Variants in TTC28 observed in about 807,000 individuals in gnomAD.
TTC28 encodes the protein tetratricopeptide repeat domain 28, also known as tetratricopeptide repeat protein 28.
Under a neutral mutation model 198.0 loss-of-function variants are expected in TTC28, and 61 were observed. The observed-to-expected ratio is 0.31, with a 90% CI of 0.25 to 0.38. The LOEUF (loss-of-function observed/expected upper bound fraction) is 0.38. Ranked by LOEUF, TTC28 falls within the 10% of genes least tolerant of loss-of-function variation. The probability of loss-of-function intolerance (pLI) is 1.00; values close to 1 mark genes in which losing one functional copy is unlikely to be tolerated. For synonymous variants in TTC28, 1,171 were observed against 1,297.8 expected (o/e 0.90, Z 2.10); for missense variants, 2,678 against 3,164.0 (o/e 0.85, Z 3.69).
At chr22:28,678,277 C>CA (rs2052035366) in intron 1 of TTC28, among the ~76,000 whole-genome samples, 1 of 152,226 alleles carries the variant, frequency 6.6e-6, no homozygotes, top group Admixed American at 6.5e-5. Context: ...TGCAGTGGCA[C>CA]AACCTTGGCT....
intron 12 of TTC28, among the ~76,000 whole-genome samples, chr22:28,048,086 T>G (rs536859286): frequency 6.6e-6 from 1 of 151,952 alleles, no homozygotes; most frequent in Non-Finnish European, 1.5e-5. Flanking sequence ...CTAGGAGGTT[T>G]TTTTCTGCTT....
rs1053139903 is a variant in TTC28 at position 28,604,297 on chromosome 22, T to TACATATATATATATATATATATATATATA, written c.381+25254_381+25255insTATATATATATATATATATATATATATGT. The stretch of plus-strand genomic sequence containing the variant: ...AGTCTTAAACAGAAAAAAAAAAAAA[T>TACATATATATATATATATATATATATATA]TATATATATATATATATATATATAT... On this transcript the variant is annotated intron_variant, in intron 2 of 22. Transcript: ENST00000397906. 3.9e-4 allele frequency among the ~76,000 whole-genome samples: 44 copies of TACATATATATATATATATATATATATATA among 114,120 alleles called. 1 individual carries two copies. Among genetic ancestry groups the TACATATATATATATATATATATATATATA allele is most frequent in the African/African-American group, 1.5e-3 (43 of 28,534 alleles). The allele number at this position is 114,120 out of a possible 152,430, so 74.9% of individuals were successfully genotyped here.
chr22:28,101,617 C>G (rs1174087479), intron 8 of TTC28, among the ~76,000 whole-genome samples: 1 of 151,868 alleles, frequency 6.6e-6, no homozygotes, highest in Non-Finnish European at 1.5e-5. Flanking sequence ...GATCCACCCA[C>G]CCCGGTCTCC....
intron 12 of TTC28, among the ~76,000 whole-genome samples, chr22:28,044,520 G>A (rs1939786394): frequency 6.6e-6 from 1 of 151,944 alleles, no homozygotes; most frequent in South Asian, 2.1e-4. Flanking sequence ...TGTTACATAT[G>A]TATACATGTG....
At chr22:28,480,114 G>A (rs764782681) in intron 2 of TTC28, among the ~76,000 whole-genome samples, 5 of 152,194 alleles carry the variant, frequency 3.3e-5, no homozygotes, top group Non-Finnish European at 7.3e-5. Context: ...GTCTCCAGAT[G>A]TGAACTGTCA....
chr22:28,077,349 G>A (rs1941202728), intron 12 of TTC28, among the ~76,000 whole-genome samples: 1 of 152,154 alleles, frequency 6.6e-6, no homozygotes, highest in Non-Finnish European at 1.5e-5. Flanking sequence ...GGAATGCAGT[G>A]GTGTGATCAT....
chr22:28,613,256 T>A (rs916872188), intron 2 of TTC28, among the ~76,000 whole-genome samples: 1 of 152,118 alleles, frequency 6.6e-6, no homozygotes, highest in Non-Finnish European at 1.5e-5. Flanking sequence ...CAAGAAGAAG[T>A]TGAATCCCTG....
chr22:28,242,938 T>C (rs1303508721), intron 5 of TTC28, among the ~76,000 whole-genome samples: 4 of 151,682 alleles, frequency 2.6e-5, no homozygotes, highest in Non-Finnish European at 5.9e-5. Context: ...AAACTATTAC[T>C]GGTCTGTGAC....
intron 5 of TTC28, among the ~76,000 whole-genome samples, chr22:28,280,369 C>T (rs1473816507): frequency 1.3e-5 from 2 of 151,868 alleles, no homozygotes; most frequent in Admixed American, 6.6e-5. Context: ...TCTTGTTGCC[C>T]AGGCTGGAGT....
At chr22:28,263,750 A>G (rs972509311) in intron 5 of TTC28, among the ~76,000 whole-genome samples, 1 of 152,140 alleles carries the variant, frequency 6.6e-6, no homozygotes, top group Admixed American at 6.6e-5. Context: ...ACCAGAGAGG[A>G]TAAGCTTGAT....
intron 2 of TTC28, among the ~76,000 whole-genome samples, chr22:28,394,294 T>C (rs1376029387): frequency 1.3e-5 from 2 of 152,230 alleles, no homozygotes; most frequent in Admixed American, 6.5e-5. Flanking sequence ...CATGTTTTAT[T>C]AAATATCTGT....
Position 28,383,321 on chromosome 22 carries a change from G to C in TTC28, c.382-76678C>G, listed in dbSNP as rs141798587. ...TGGTGAAAATGGCATTGTTGAGTTTGAGACACTTTCCTTTGTCCGCAGCAG... is the reference window on the plus strand; with the variant it reads ...TGGTGAAAATGGCATTGTTGAGTTTCAGACACTTTCCTTTGTCCGCAGCAG... On this transcript the variant is annotated intron_variant, in intron 2 of 22. Transcript: ENST00000397906. Among the ~76,000 whole-genome samples the C allele has an allele frequency of 1.4e-3, 218 of 152,212 alleles. 1 individual carries two copies. Among genetic ancestry groups the C allele is most frequent in the African/African-American group, 4.9e-3 (203 of 41,532 alleles).
At chr22:28,624,094 T>C (rs1190740828) in intron 2 of TTC28, among the ~76,000 whole-genome samples, 1 of 152,150 alleles carries the variant, frequency 6.6e-6, no homozygotes, top group African/African-American at 2.4e-5. Context: ...ATGAGACTAA[T>C]AACTCATTGT....
chr22:28,411,427 C>T (rs1236627096), intron 2 of TTC28, among the ~76,000 whole-genome samples: 1 of 152,166 alleles, frequency 6.6e-6, no homozygotes, highest in Non-Finnish European at 1.5e-5. Context: ...AATATGTAGT[C>T]TTGGAAAAGA....
chr22:28,601,900 T>C (rs16986546), intron 2 of TTC28, among the ~76,000 whole-genome samples: 2 of 152,120 alleles, frequency 1.3e-5, no homozygotes, highest in African/African-American at 4.8e-5. Flanking sequence ...CCAACTCCTA[T>C]TCTGATATAT....
At chr22:28,204,573 C>T (rs188881120) in intron 5 of TTC28, among the ~76,000 whole-genome samples, 17 of 152,188 alleles carry the variant, frequency 1.1e-4, no homozygotes, top group Admixed American at 1.0e-3. Flanking sequence ...ATACCATAAA[C>T]AGTAGCCTGA....
chr22:28,464,096 C>T (rs1312818126), intron 2 of TTC28, among the ~76,000 whole-genome samples: 8 of 152,098 alleles, frequency 5.3e-5, no homozygotes, highest in Admixed American at 4.6e-4. Flanking sequence ...ACAACAGCAC[C>T]AGTAAGGTAA....
chr22:28,676,961 C>T (rs981385761), intron 1 of TTC28, among the ~76,000 whole-genome samples: 3 of 151,420 alleles, frequency 2.0e-5, no homozygotes, highest in African/African-American at 7.3e-5. Context: ...TCAAAACCAG[C>T]CTGGACAACA....
Position 28,569,701 on chromosome 22 carries a change from T to C in TTC28, c.381+59851A>G, listed in dbSNP as rs992363958. On this transcript the variant is annotated intron_variant, in intron 2 of 22. Coordinates refer to ENST00000397906, the MANE Select transcript of TTC28 (RefSeq NM_001145418.2). The stretch of plus-strand genomic sequence containing the variant: ...AAGCAATTGCAACAAAAGCAAAAAA[T>C]TGGCAAGTGGGACCTAATTAAACTA... 1.5e-4 allele frequency among the ~76,000 whole-genome samples: 23 copies of C among 151,952 alleles called. 1 individual carries two copies. The highest frequency in any genetic ancestry group is 1.4e-3 in the Admixed American group (21 of 15,254).
Sources: gnomAD v4.1 joint callset for allele counts (sites outside exome capture counted in the v4.1 genomes callset) on GRCh38, gnomAD v4.1.1 for gene constraint, MANE v1.5 for transcripts, NCBI Gene and HGNC (gene_info 2026-07-23, HGNC 2026-07-21) for gene names.